The following DACH1 variants were observed in gnomAD, a reference collection of about 807,000 sequenced individuals.
DACH1 encodes the protein dachshund homolog 1.
Under a neutral mutation model 54.2 loss-of-function variants are expected in DACH1, and 12 were observed. The ratio of observed to expected loss-of-function variants is 0.22; its 90% confidence interval spans 0.14 to 0.36. DACH1 has a LOEUF of 0.36. Ranked by LOEUF, DACH1 falls within the 10% of genes least tolerant of loss-of-function variation. The probability of loss-of-function intolerance (pLI) is 1.00; values close to 1 mark genes in which losing one functional copy is unlikely to be tolerated. For missense variants in DACH1, 805 were observed against 929.8 expected (o/e 0.87, Z 1.75); for synonymous variants, 386 against 366.2 (o/e 1.05, Z -0.62).
At chr13:71,466,908 A>T (rs61957802) in intron 10 of DACH1, among the ~76,000 whole-genome samples, 2,320 of 151,490 alleles carry the variant, frequency 0.015, 21 homozygotes, top group Middle Eastern at 0.041. Context: ...TTATGCCTAA[A>T]TTTTCTCTGT....
At chr13:71,662,592 T>C (rs1372682694) in intron 2 of DACH1, among the ~76,000 whole-genome samples, 1 of 152,064 alleles carries the variant, frequency 6.6e-6, no homozygotes, top group Non-Finnish European at 1.5e-5. Flanking sequence ...CAATTACTAA[T>C]ACTCTAATGA....
At chr13:71,568,686 C>CT (rs1347027619) in intron 4 of DACH1, among the ~76,000 whole-genome samples, 13 of 152,006 alleles carry the variant, frequency 8.6e-5, no homozygotes, top group African/African-American at 3.1e-4. Context: ...CCTACAAAAG[C>CT]TTAGATATAT....
chr13:71,649,279 C>T (rs1178478210), intron 2 of DACH1, among the ~76,000 whole-genome samples: 1 of 152,114 alleles, frequency 6.6e-6, no homozygotes, highest in Non-Finnish European at 1.5e-5. Context: ...ACGATGCACA[C>T]ACAAGATGAA....
intron 3 of DACH1, among the ~76,000 whole-genome samples, chr13:71,596,446 A>G (rs1874103788): frequency 6.6e-6 from 1 of 152,220 alleles, no homozygotes; most frequent in Non-Finnish European, 1.5e-5. Flanking sequence ...CAAAGTAGAA[A>G]TGTCTGGTTT....
intron 1 of DACH1, among the ~76,000 whole-genome samples, chr13:71,714,109 G>A (rs1882862485): frequency 6.6e-6 from 1 of 151,930 alleles, no homozygotes. Flanking sequence ...TAGATGCTCA[G>A]CTATATCATA....
At chr13:71,708,946 G>A (rs369111741) in intron 1 of DACH1, among the ~76,000 whole-genome samples, 3 of 142,792 alleles carry the variant, frequency 2.1e-5, no homozygotes, top group African/African-American at 5.0e-5. Flanking sequence ...TCAGCCTCCC[G>A]GGTTCACGCC....
At chr13:71,629,730 C>T (rs1876945251) in intron 3 of DACH1, among the ~76,000 whole-genome samples, 1 of 152,110 alleles carries the variant, frequency 6.6e-6, no homozygotes. Flanking sequence ...GCTATAGTAT[C>T]TTGCATACAT....
chr13:71,512,804 T>A (rs1435574972), intron 6 of DACH1, among the ~76,000 whole-genome samples: 1 of 151,960 alleles, frequency 6.6e-6, no homozygotes, highest in East Asian at 1.9e-4. Flanking sequence ...AGGCCTTTTG[T>A]TGTTTCACTT....
chr13:71,790,580 T>C lies in DACH1; in HGVS notation c.848+75342A>G, dbSNP rs566174405. On this transcript the variant is annotated intron_variant, in intron 1 of 10. Coordinates refer to ENST00000613252, the MANE Select transcript of DACH1 (RefSeq NM_080759.6). ...TGATATACAAAGATAAAAGCAAAAA[T>C]CTAGAGTTAAATATTATGAGAACCA... 1.7e-3 allele frequency among the ~76,000 whole-genome samples: 253 copies of C among 152,158 alleles called. 2 individuals are homozygous for C. The highest frequency in any genetic ancestry group is 8.3e-3 in the South Asian group (40 of 4,818).
intron 6 of DACH1, among the ~76,000 whole-genome samples, chr13:71,515,648 T>C (rs1234908145): frequency 6.6e-6 from 1 of 151,752 alleles, no homozygotes; most frequent in Admixed American, 6.6e-5. Context: ...GTAAAGGGGG[T>C]AAACACCACC....
chr13:71,766,105 C>A (rs566777499), intron 1 of DACH1, among the ~76,000 whole-genome samples: 2 of 152,216 alleles, frequency 1.3e-5, no homozygotes, highest in Non-Finnish European at 2.9e-5. Context: ...CCAGGATGGT[C>A]TCGGTCTCCT....
chr13:71,786,020 T>G (rs1005366865), intron 1 of DACH1, among the ~76,000 whole-genome samples: 1 of 151,752 alleles, frequency 6.6e-6, no homozygotes, highest in East Asian at 1.9e-4. Flanking sequence ...ACAAGGCAAA[T>G]GTGAATAAAA....
intron 1 of DACH1, among the ~76,000 whole-genome samples, chr13:71,794,411 T>G (rs1886958911): frequency 6.6e-6 from 1 of 152,170 alleles, no homozygotes; most frequent in Non-Finnish European, 1.5e-5. Flanking sequence ...CCCACTAATC[T>G]CCTTTAAAAA....
chr13:71,763,851 A>G (rs1162004436), intron 1 of DACH1, among the ~76,000 whole-genome samples: 1 of 152,214 alleles, frequency 6.6e-6, no homozygotes, highest in African/African-American at 2.4e-5. Flanking sequence ...ATTTAATGCA[A>G]CTGTTGGACC....
At chr13:71,728,755 T>C (rs1212089847) in intron 1 of DACH1, among the ~76,000 whole-genome samples, 1 of 152,042 alleles carries the variant, frequency 6.6e-6, no homozygotes, top group Non-Finnish European at 1.5e-5. Flanking sequence ...GTCTGTCTTT[T>C]AACTCTTGCA....
At chr13:71,840,159 G>C (rs1386112174) in intron 1 of DACH1, among the ~76,000 whole-genome samples, 1 of 152,000 alleles carries the variant, frequency 6.6e-6, no homozygotes, top group African/African-American at 2.4e-5. Context: ...TGTTGGCTAG[G>C]CTGGTCTCAA....
At chr13:71,752,449 A>G (rs1369014177) in intron 1 of DACH1, among the ~76,000 whole-genome samples, 1 of 150,766 alleles carries the variant, frequency 6.6e-6, no homozygotes, top group African/African-American at 2.4e-5. Context: ...ACAAACCAGG[A>G]AATTCTCTCT....
intron 3 of DACH1, among the ~76,000 whole-genome samples, chr13:71,599,271 C>T (rs772252094): frequency 1.9e-4 from 29 of 151,980 alleles, no homozygotes; most frequent in Non-Finnish European, 4.0e-4. Flanking sequence ...AATTCTCTGA[C>T]CCAAAATTAA....
chr13:71,837,001 TAC>T (rs563187803), intron 1 of DACH1, among the ~76,000 whole-genome samples: 9 of 151,196 alleles, frequency 6.0e-5, no homozygotes, highest in South Asian at 2.1e-4. Context: ...CATCACTTTA[TAC>T]ACACACACAC....
Sources: allele counts gnomAD v4.1 joint callset (sites outside exome capture counted in the v4.1 genomes callset), GRCh38; gene constraint gnomAD v4.1.1; transcripts MANE v1.5; gene names NCBI Gene and HGNC (gene_info 2026-07-23, HGNC 2026-07-21).